Variants in RTN4 observed in about 807,000 individuals in gnomAD.
RTN4 encodes reticulon 4.
RTN4 carries 32 observed loss-of-function variants against 90.4 expected under a neutral mutation model. That is an observed-to-expected ratio of 0.35 (90% CI 0.27 to 0.48). The LOEUF (loss-of-function observed/expected upper bound fraction) is 0.48, where lower values mean the gene tolerates loss of function less well. Ranked by LOEUF, RTN4 falls within the 20% of genes least tolerant of loss-of-function variation. The pLI is 0.99. For synonymous variants in RTN4, 629 were observed against 552.5 expected, an observed-to-expected ratio of 1.14 and a Z score of -1.94; for missense variants, 1,706 against 1,430.2, an observed-to-expected ratio of 1.19 and a Z score of -3.11.
At position 55,027,036 on chromosome 2, in the gene RTN4, T is replaced by C; in HGVS notation, c.1063A>G (p.Lys355Glu). Residue 355 changes from lysine to glutamate, a missense_variant, in exon 3 of 9, where the codon AAA becomes GAA. By Grantham distance (56) the Lys-to-Glu change is moderately conservative. Transcript: ENST00000337526. ...ELPTALTKLVKEDEVVSSEKA... is the reference protein window; with the variant it reads ...ELPTALTKLVEEDEVVSSEKA... ...TCTGAAGACACAACTTCATCCTCTT[T>C]AACCAATTTAGTAAGAGCTGTAGGT... The C allele has an allele frequency of 6.2e-7, 1 of 1,613,616 alleles. No individual in the cohort carries two copies. The highest frequency in any genetic ancestry group is 8.5e-7 in the Non-Finnish European group (1 of 1,179,854).
At chr2:55,063,925 C>A (rs1311023029) in intron 2 of RTN4, among the ~76,000 whole-genome samples, 5 of 149,636 alleles carry the variant, frequency 3.3e-5, no homozygotes, top group African/African-American at 9.9e-5. Context: ...CAGAGGGCAA[C>A]AAAACTGAAA....
At chr2:55,053,329 GA>G (rs1668129760), upstream of RTN4, among the ~76,000 whole-genome samples, 1 of 152,122 alleles carries the variant, frequency 6.6e-6, no homozygotes, top group Non-Finnish European at 1.5e-5. Flanking sequence ...CCAGTTAAAA[GA>G]AAAATGCACA....
upstream of RTN4, among the ~76,000 whole-genome samples, chr2:55,054,180 T>A (rs1310200124): frequency 6.6e-6 from 1 of 152,220 alleles, no homozygotes; most frequent in East Asian, 1.9e-4. Flanking sequence ...AAAGATTGAA[T>A]GTAATTCAGA....
chr2:54,991,369 GAATT>G (rs1679002197), intron 3 of RTN4, among the ~76,000 whole-genome samples: 1 of 152,080 alleles, frequency 6.6e-6, no homozygotes, highest in Admixed American at 6.5e-5. Flanking sequence ...GACTATATAT[GAATT>G]ATTTATAATT....
At chr2:55,089,867 C>A (rs1224322896) in intron 1 of RTN4, among the ~76,000 whole-genome samples, 1 of 152,150 alleles carries the variant, frequency 6.6e-6, no homozygotes, top group Non-Finnish European at 1.5e-5. Context: ...CCCTGGGACA[C>A]CTGGGGCATG....
chr2:55,024,811 G>A (rs967012102), intron 3 of RTN4, among the ~76,000 whole-genome samples: 1 of 151,914 alleles, frequency 6.6e-6, no homozygotes, highest in African/African-American at 2.4e-5. Flanking sequence ...AAAGAAATAG[G>A]TACTAAAGCC....
intron 5 of RTN4, among the ~76,000 whole-genome samples, chr2:54,975,118 T>C (rs191965309): frequency 8.5e-5 from 13 of 152,342 alleles, no homozygotes; most frequent in East Asian, 5.8e-4. Context: ...TTAGAATTGA[T>C]TTCAAAGTAT....
At chr2:55,070,543 C>T (rs1381134924) in intron 2 of RTN4, among the ~76,000 whole-genome samples, 1 of 65,882 alleles carries the variant, frequency 1.5e-5, no homozygotes, top group African/African-American at 7.9e-5. Flanking sequence ...AAGACTCTGT[C>T]TCAAAAAAAA....
intron 1 of RTN4, among the ~76,000 whole-genome samples, chr2:55,028,879 C>A (rs988160214): frequency 1.3e-5 from 2 of 152,134 alleles, no homozygotes; most frequent in African/African-American, 4.8e-5. Context: ...TATTTGTATA[C>A]ACAACTAGTA....
the RTN4 span, among the ~76,000 whole-genome samples, chr2:55,126,784 A>G: frequency 6.6e-6 from 1 of 152,202 alleles, no homozygotes; most frequent in Non-Finnish European, 1.5e-5. Context: ...CTAAATGCCC[A>G]TCAGTGACAG....
intron 3 of RTN4, among the ~76,000 whole-genome samples, chr2:55,008,935 T>G (rs535971102): frequency 6.6e-6 from 1 of 152,256 alleles, no homozygotes; most frequent in African/African-American, 2.4e-5. Context: ...TAAAAATCCT[T>G]CTCTTTAAAT....
chr2:55,021,121 C>G (rs954888474), intron 3 of RTN4, among the ~76,000 whole-genome samples: 2 of 152,126 alleles, frequency 1.3e-5, no homozygotes, highest in African/African-American at 4.8e-5. Flanking sequence ...TAAAAACACA[C>G]TTAAATATTT....
At chr2:55,136,526 T>C in the RTN4 span, among the ~76,000 whole-genome samples, 13 of 152,234 alleles carry the variant, frequency 8.5e-5, no homozygotes, top group South Asian at 4.1e-4. Flanking sequence ...AAACTTTCAC[T>C]CTTGCTCTGA....
intron 1 of RTN4, among the ~76,000 whole-genome samples, chr2:55,044,415 C>A (rs112484300): frequency 3.2e-4 from 49 of 151,094 alleles, no homozygotes; most frequent in African/African-American, 1.1e-3. Context: ...AACAAACAAA[C>A]AAACAAAAAA....
chr2:55,068,234 G>T (rs2972072), intron 2 of RTN4, among the ~76,000 whole-genome samples: 47,908 of 151,968 alleles, frequency 0.32, 8,647 homozygotes, highest in East Asian at 0.58. Flanking sequence ...GTATATCGAT[G>T]AACATTTCCT....
chr2:55,095,152 G>C lies in RTN4; in HGVS notation c.-213-14513C>G, dbSNP rs142555906. Among the ~76,000 whole-genome samples the C allele has an allele frequency of 1.1e-3, 163 of 152,098 alleles. 2 individuals are homozygous for C. Among genetic ancestry groups the C allele is most frequent in the Non-Finnish European group, 1.7e-3 (116 of 67,988 alleles). ...AGCCTGGCCAAAATGGTGAAACCCC[G>C]TCTGTACTTAAAATACAAAAATCAG... On this transcript the variant is annotated intron_variant, in intron 1 of 3. Coordinates refer to the RTN4 transcript ENST00000427710.
At chr2:55,130,108 C>T in the RTN4 span, among the ~76,000 whole-genome samples, 3 of 152,050 alleles carry the variant, frequency 2.0e-5, no homozygotes, top group Non-Finnish European at 4.4e-5. Context: ...ACCTGAATGT[C>T]CTCTAGTAAA....
intron 1 of RTN4, among the ~76,000 whole-genome samples, chr2:55,103,920 C>G (rs998073668): frequency 6.6e-6 from 1 of 152,084 alleles, no homozygotes; most frequent in Middle Eastern, 3.2e-3. Flanking sequence ...GTCTCAAACT[C>G]CTGACCTCAG....
At chr2:55,015,704 C>T (rs1319739162) in intron 3 of RTN4, among the ~76,000 whole-genome samples, 1 of 152,078 alleles carries the variant, frequency 6.6e-6, no homozygotes, top group African/African-American at 2.4e-5. Context: ...TACAGAATGT[C>T]CAGAAGAATA....
Sources: allele counts gnomAD v4.1 joint callset (sites outside exome capture counted in the v4.1 genomes callset), GRCh38; gene constraint gnomAD v4.1.1; transcripts MANE v1.5; gene names NCBI Gene and HGNC (gene_info 2026-07-23, HGNC 2026-07-21).